DUSP13B: variants seen among roughly 807,000 people sequenced by gnomAD.
DUSP13B encodes the protein dual specificity protein phosphatase 13B.
chr10:75,098,944 G>C, the DUSP13B span: 1 of 1,223,838 alleles, frequency 8.2e-7, no homozygotes, highest in Non-Finnish European at 1.0e-6. Flanking sequence ...CCTCCAGAGA[G>C]TGGTCACTAA....
At chr10:75,102,603 T>A in the DUSP13B span, among the ~76,000 whole-genome samples, 5 of 150,180 alleles carry the variant, frequency 3.3e-5, no homozygotes, top group African/African-American at 1.2e-4. Context: ...AGCCCAGGGG[T>A]TCAAGACCAG....
chr10:75,094,732 G>C, the DUSP13B span: 1 of 1,614,058 alleles, frequency 6.2e-7, no homozygotes, highest in African/African-American at 1.3e-5. Flanking sequence ...AGCTGCCGGA[G>C]GAAGCCTGAG....
chr10:75,095,728 C>T, the DUSP13B span: 1 of 1,614,224 alleles, frequency 6.2e-7, no homozygotes, highest in Non-Finnish European at 8.5e-7. Context: ...TGGAACTTGC[C>T]TGCAGCGGCA....
the DUSP13B span, chr10:75,108,401 C>T: frequency 1.1e-5 from 11 of 1,036,306 alleles, no homozygotes; most frequent in South Asian, 3.8e-5. Context: ...GCTGAGCCGG[C>T]GGTGTGTGTG....
chr10:75,103,913 T>C, the DUSP13B span: 1 of 1,313,068 alleles, frequency 7.6e-7, no homozygotes, highest in Non-Finnish European at 1.0e-6. Context: ...CTGAAGACAG[T>C]GGCTGAGAGG....
At chr10:75,103,789 T>G in the DUSP13B span, 4 of 926,280 alleles carry the variant, frequency 4.3e-6, no homozygotes, top group Non-Finnish European at 5.8e-6. Flanking sequence ...ATCACAAATA[T>G]CTGGAACCCC....
the DUSP13B span, chr10:75,101,786 G>A: frequency 4.6e-6 from 3 of 652,688 alleles, no homozygotes; most frequent in Non-Finnish European, 5.2e-6. Flanking sequence ...TCCCCACACA[G>A]GCACAAGTGT....
the DUSP13B span, among the ~76,000 whole-genome samples, chr10:75,106,230 C>T: frequency 6.6e-6 from 1 of 151,756 alleles, no homozygotes; most frequent in East Asian, 1.9e-4. Flanking sequence ...GCGTGAGACA[C>T]CGCTCCTGGC....
At chr10:75,096,613 G>A in the DUSP13B span, among the ~76,000 whole-genome samples, 17 of 152,036 alleles carry the variant, frequency 1.1e-4, no homozygotes, top group African/African-American at 2.2e-4. Flanking sequence ...GCTAGGTGTG[G>A]TTGTGCAAAC....
the DUSP13B span, chr10:75,105,964 G>C: frequency 3.4e-6 from 4 of 1,166,518 alleles, no homozygotes; most frequent in East Asian, 1.0e-4. Context: ...CCCTGCCTTG[G>C]GTGCACTCTG....
At chr10:75,103,954 G>A in the DUSP13B span, 1 of 1,326,202 alleles carries the variant, frequency 7.5e-7, no homozygotes, top group Non-Finnish European at 1.0e-6. Context: ...GCCAGATGGA[G>A]TAGCAGGCTC....
the DUSP13B span, chr10:75,099,330 C>T: frequency 2.4e-6 from 3 of 1,232,276 alleles, no homozygotes; most frequent in Non-Finnish European, 3.0e-6. Context: ...CCAGGCTCAC[C>T]CAGTGGGAGG....
At chr10:75,104,175 A>G in the DUSP13B span, 41 of 1,079,802 alleles carry the variant, frequency 3.8e-5, no homozygotes, top group Non-Finnish European at 5.0e-5. Flanking sequence ...GGGCAGGGAT[A>G]AGAGCTGTCA....
the DUSP13B span, among the ~76,000 whole-genome samples, chr10:75,095,268 C>T: frequency 6.6e-6 from 1 of 152,186 alleles, no homozygotes; most frequent in Admixed American, 6.5e-5. Flanking sequence ...GCCAAGGCCT[C>T]ATCTTAGAGG....
At chr10:75,105,188 C>T in the DUSP13B span, among the ~76,000 whole-genome samples, 1 of 152,232 alleles carries the variant, frequency 6.6e-6, no homozygotes, top group South Asian at 2.1e-4. Flanking sequence ...GGCACTGTAC[C>T]TGGGGTCCAG....
the DUSP13B span, chr10:75,101,981 T>A: frequency 1.5e-6 from 2 of 1,364,612 alleles, no homozygotes; most frequent in Non-Finnish European, 2.0e-6. Context: ...GATTTGAGTT[T>A]AATTATAAAG....
At chr10:75,107,888 T>C in the DUSP13B span, 1 of 1,360,418 alleles carries the variant, frequency 7.4e-7, no homozygotes, top group Non-Finnish European at 1.0e-6. Flanking sequence ...AAGCAGAGGA[T>C]TTTTAAAAAG....
chr10:75,109,128 C>G, the DUSP13B span: 1 of 1,606,672 alleles, frequency 6.2e-7, no homozygotes, highest in South Asian at 1.1e-5. Context: ...TGTCCTCTCC[C>G]CCCAGCTCTG....
chr10:75,106,101 C>CTTTTTTTTTTTTT, the DUSP13B span, among the ~76,000 whole-genome samples: 4 of 123,022 alleles, frequency 3.3e-5, no homozygotes, highest in Admixed American at 7.9e-5. Context: ...TCTTTCTTTT[C>CTTTTTTTTTTTTT]TTTTTTTTTT....
Sources: gnomAD v4.1 joint callset for allele counts (sites outside exome capture counted in the v4.1 genomes callset) on GRCh38, gnomAD v4.1.1 for gene constraint, MANE v1.5 for transcripts, NCBI Gene and HGNC (gene_info 2026-07-23, HGNC 2026-07-21) for gene names.